RANBP2: variants seen among roughly 807,000 people sequenced by gnomAD.
The protein encoded by RANBP2 is RAN binding protein 2, also known as E3 SUMO-protein ligase RanBP2.
RANBP2 carries 57 observed loss-of-function variants against 303.6 expected under a neutral mutation model. That is an observed-to-expected ratio of 0.19 (90% confidence interval 0.15 to 0.23). The LOEUF is 0.23. Among genes scored for constraint, RANBP2 ranks in the 10% least tolerant of loss-of-function variants. The pLI, the probability that RANBP2 is intolerant of heterozygous loss-of-function variation, is 1.00. For missense variants in RANBP2, 3,138 were observed against 3,780.8 expected, an observed-to-expected ratio of 0.83 and a Z score of 4.46; for synonymous variants, 1,167 against 1,301.5, an observed-to-expected ratio of 0.90 and a Z score of 2.23.
the RANBP2 span, among the ~76,000 whole-genome samples, chr2:109,271,796 T>C: frequency 6.6e-6 from 1 of 152,250 alleles, no homozygotes; most frequent in East Asian, 1.9e-4. Context: ...ACAATGTATC[T>C]GACTATCTTT....
At chr2:108,829,369 A>C in the RANBP2 span, among the ~76,000 whole-genome samples, 1 of 152,204 alleles carries the variant, frequency 6.6e-6, no homozygotes, top group Non-Finnish European at 1.5e-5. Context: ...AATGGCCCCT[A>C]AGCTCATAAA....
the RANBP2 span, among the ~76,000 whole-genome samples, chr2:109,047,523 AGT>A: frequency 6.6e-6 from 1 of 152,198 alleles, no homozygotes; most frequent in Non-Finnish European, 1.5e-5. Context: ...AAACAAACAA[AGT>A]GGACCGGGCA....
the RANBP2 span, among the ~76,000 whole-genome samples, chr2:109,051,126 C>T: frequency 6.6e-6 from 1 of 152,218 alleles, no homozygotes; most frequent in African/African-American, 2.4e-5. Context: ...AGAGCTAGCT[C>T]TCAGTCTATC....
chr2:108,852,677 C>A, the RANBP2 span, among the ~76,000 whole-genome samples: 1 of 152,096 alleles, frequency 6.6e-6, no homozygotes, highest in South Asian at 2.1e-4. Flanking sequence ...CACATGTTCT[C>A]ATTTATAAGT....
chr2:108,865,550 C>G, the RANBP2 span, among the ~76,000 whole-genome samples: 1 of 152,180 alleles, frequency 6.6e-6, no homozygotes, highest in Non-Finnish European at 1.5e-5. Flanking sequence ...CTGGAGAAGA[C>G]CCTCACCAAT....
chr2:108,741,188 T>C (rs1481816163), intron 7 of RANBP2, among the ~76,000 whole-genome samples: 1 of 152,038 alleles, frequency 6.6e-6, no homozygotes, highest in Non-Finnish European at 1.5e-5. Context: ...CATAAAACCT[T>C]TTCTTAATTT....
the RANBP2 span, among the ~76,000 whole-genome samples, chr2:109,401,530 C>A: frequency 6.6e-6 from 1 of 152,230 alleles, no homozygotes; most frequent in Non-Finnish European, 1.5e-5. Context: ...AGTATCTGGC[C>A]TGTGTCCTGT....
the RANBP2 span, among the ~76,000 whole-genome samples, chr2:109,380,913 A>G: frequency 6.6e-6 from 1 of 152,248 alleles, no homozygotes; most frequent in African/African-American, 2.4e-5. Flanking sequence ...CCTCAGCACC[A>G]GTGCACTCAG....
the RANBP2 span, among the ~76,000 whole-genome samples, chr2:108,951,992 G>A: frequency 4.6e-5 from 7 of 152,308 alleles, no homozygotes; most frequent in African/African-American, 1.7e-4. Flanking sequence ...CATGCAGGCA[G>A]GACCAAGAAT....
chr2:108,850,914 A>G, the RANBP2 span, among the ~76,000 whole-genome samples: 1 of 152,104 alleles, frequency 6.6e-6, no homozygotes, highest in Admixed American at 6.5e-5. Context: ...AAGCTGCTCC[A>G]ATTCACTTCT....
chr2:109,731,159 T>G, the RANBP2 span, among the ~76,000 whole-genome samples: 1 of 152,234 alleles, frequency 6.6e-6, no homozygotes, highest in Non-Finnish European at 1.5e-5. Flanking sequence ...CCTTCTAACA[T>G]CTTCACCTGG....
At chr2:109,335,007 G>A in the RANBP2 span, among the ~76,000 whole-genome samples, 4 of 152,226 alleles carry the variant, frequency 2.6e-5, no homozygotes, top group Admixed American at 6.5e-5. Context: ...CGCGATTTAT[G>A]TCACCGCGTT....
chr2:109,347,748 C>T, the RANBP2 span: 5 of 1,613,966 alleles, frequency 3.1e-6, no homozygotes, highest in Admixed American at 1.7e-5. Context: ...TCAAGTTCAA[C>T]AAGGGGGACA....
the RANBP2 span, among the ~76,000 whole-genome samples, chr2:109,218,154 T>TAA: frequency 4.0e-5 from 6 of 148,948 alleles, no homozygotes; most frequent in African/African-American, 1.5e-4. Context: ...TCTGTTCTAT[T>TAA]AAAAAAAAAA....
the RANBP2 span, among the ~76,000 whole-genome samples, chr2:109,729,968 T>C: frequency 6.6e-6 from 1 of 152,154 alleles, no homozygotes; most frequent in African/African-American, 2.4e-5. Flanking sequence ...GTCAAACATG[T>C]ATAAAACCAT....
the RANBP2 span, among the ~76,000 whole-genome samples, chr2:109,602,682 A>T: frequency 4.6e-4 from 65 of 140,194 alleles, no homozygotes; most frequent in Non-Finnish European, 7.7e-4. Context: ...TCTCAAATTA[A>T]AAAAAAAAAA....
chr2:109,322,954 G>A, the RANBP2 span, among the ~76,000 whole-genome samples: 1 of 152,182 alleles, frequency 6.6e-6, no homozygotes, highest in Non-Finnish European at 1.5e-5. Flanking sequence ...GAGTGGGCAG[G>A]CAATATAAAG....
At chr2:108,805,035 A>G in the RANBP2 span, 2 of 1,217,216 alleles carry the variant, frequency 1.6e-6, no homozygotes, top group Non-Finnish European at 2.2e-6. Flanking sequence ...TATATACTGA[A>G]CATAAGACAT....
At chr2:109,705,147 G>A in the RANBP2 span, among the ~76,000 whole-genome samples, 1 of 151,456 alleles carries the variant, frequency 6.6e-6, no homozygotes, top group Non-Finnish European at 1.5e-5. Flanking sequence ...GCTCATGCCT[G>A]TAATCCCACC....
Sources: gnomAD v4.1 joint callset for allele counts (sites outside exome capture counted in the v4.1 genomes callset) on GRCh38, gnomAD v4.1.1 for gene constraint, MANE v1.5 for transcripts, NCBI Gene and HGNC (gene_info 2026-07-23, HGNC 2026-07-21) for gene names.